SLC26A4: variants seen among roughly 807,000 people sequenced by gnomAD.
SLC26A4 encodes the protein pendrin.
Under a neutral mutation model 90.4 loss-of-function variants are expected in SLC26A4, and 93 were observed. The ratio of observed to expected loss-of-function variants is 1.03; its 90% confidence interval spans 0.87 to 1.22. The LOEUF is 1.22. Among genes scored for constraint, SLC26A4 ranks in the 50% most tolerant of loss-of-function variants. The pLI is 0.00. For synonymous variants in SLC26A4, 393 were observed against 354.6 expected (o/e 1.11, Z -1.22); for missense variants, 1,127 against 946.2 (o/e 1.19, Z -2.51).
rs908435648 is a variant in SLC26A4 at position 107,694,494 on chromosome 7, TCTC to T, written c.1341+15_1341+17del. On this transcript the variant is annotated intron_variant, in intron 11 of 20. Coordinates refer to ENST00000644269, the MANE Select transcript of SLC26A4 (RefSeq NM_000441.2). The stretch of plus-strand genomic sequence containing the variant: ...CCCTTGCAGAAGGTATAACCCTGCT[TCTC>T]TGCATACCGATTGCATAATTTCCCT... The T allele has an allele frequency of 4.4e-6, 7 of 1,595,906 alleles. No homozygotes were observed. In the African/African-American group the frequency reaches 9.4e-5, roughly 21 times the overall value.
chr7:107,684,476 G>A (rs550302340), intron 8 of SLC26A4, among the ~76,000 whole-genome samples: 1 of 152,184 alleles, frequency 6.6e-6, no homozygotes. Flanking sequence ...TATTCTACAG[G>A]GAACTGCTGT....
At position 107,675,062 on chromosome 7, in the gene SLC26A4, C is replaced by T. The variant is rs973229680; in HGVS notation, c.718C>T (p.Leu240Phe). ...QVLVSQLKIVLNVSTKNYNGV... is the reference protein window; with the variant it reads ...QVLVSQLKIVFNVSTKNYNGV... ...GCTGGTCTCACAGCTAAAGATTGTC[C>T]TCAATGTTTCAACCAAAAACTACAA... is the stretch of plus-strand genomic sequence containing the variant. The change falls in exon 6 of 21, where the codon CTC becomes TTC. Residue 240 changes from leucine to phenylalanine, a missense_variant. By Grantham distance (22) the Leu-to-Phe change is conservative. Transcript: ENST00000644269. The T allele has an allele frequency of 1.9e-6, 3 of 1,613,924 alleles. No individual in the cohort carries two copies. Among genetic ancestry groups the T allele is most frequent in the East Asian group, 2.2e-5 (1 of 44,882 alleles).
At chr7:107,664,141 C>T (rs1378132421) in intron 3 of SLC26A4, among the ~76,000 whole-genome samples, 1 of 151,700 alleles carries the variant, frequency 6.6e-6, no homozygotes, top group African/African-American at 2.4e-5. Flanking sequence ...TAATCTTTCA[C>T]TTTGTTCTAT....
chr7:107,681,276 T>C (rs1288732221), intron 6 of SLC26A4, among the ~76,000 whole-genome samples: 3 of 152,158 alleles, frequency 2.0e-5, no homozygotes, highest in Admixed American at 1.3e-4. Context: ...TCCAAGTGTT[T>C]GGTGGGAGGT....
chr7:107,702,200 T>C (rs1791913915), intron 17 of SLC26A4, 143 bp downstream of exon 17: 3 of 708,420 alleles, frequency 4.2e-6, no homozygotes, highest in Admixed American at 2.1e-5. Flanking sequence ...TGTAATATTT[T>C]AAAGCATAGG....
intron 3 of SLC26A4, among the ~76,000 whole-genome samples, chr7:107,668,771 T>G (rs1790784367): frequency 6.6e-6 from 1 of 152,182 alleles, no homozygotes; most frequent in African/African-American, 2.4e-5. Context: ...GCCTGTAGAT[T>G]CAGTTTCTGG....
intron 6 of SLC26A4, among the ~76,000 whole-genome samples, chr7:107,675,574 C>CT (rs563755979): frequency 0.021 from 2,745 of 130,986 alleles, 74 homozygotes; most frequent in African/African-American, 0.056. Context: ...TTCTTTCTTT[C>CT]TTTTTTTTTT....
chr7:107,708,560 A>T (rs1222205792), intron 18 of SLC26A4, among the ~76,000 whole-genome samples: 1 of 152,172 alleles, frequency 6.6e-6, no homozygotes, highest in Non-Finnish European at 1.5e-5. Context: ...TTAAGTTTTA[A>T]ATAAATAAAT....
At chr7:107,685,458 T>G (rs1233784191) in intron 8 of SLC26A4, among the ~76,000 whole-genome samples, 6 of 152,124 alleles carry the variant, frequency 3.9e-5, no homozygotes, top group Non-Finnish European at 8.8e-5. Flanking sequence ...CCTCCCTGCT[T>G]CAATCCTCCA....
chr7:107,689,913 G>A (rs1472928159), intron 9 of SLC26A4, among the ~76,000 whole-genome samples: 1 of 152,082 alleles, frequency 6.6e-6, no homozygotes. Flanking sequence ...AAAAATTATC[G>A]AGAGCAATGA....
Position 107,698,085 on chromosome 7 carries a change from T to C in SLC26A4, c.1588T>C (p.Tyr530His), listed in dbSNP as rs111033254. The C allele has an allele frequency of 3.2e-5, 51 of 1,609,164 alleles. No homozygotes were observed. Among genetic ancestry groups the C allele is most frequent in the Non-Finnish European group, 4.3e-5 (50 of 1,175,660 alleles). Reference protein sequence around the residue: ...GLGSIPSTDIYKSTKNYKNIE... With the variant: ...GLGSIPSTDIHKSTKNYKNIE... ...TGGAAGCATCCCTAGCACAGATATC[T>C]ACAAAAGTACCAAGAATTACAAAAA... Residue 530 changes from tyrosine (Y) to histidine (H), a missense_variant, in exon 14 of 21, where the codon TAC becomes CAC. Tyr to His is a moderately conservative substitution (Grantham distance 83, BLOSUM62 2). Coordinates refer to ENST00000644269, the MANE Select transcript of SLC26A4 (RefSeq NM_000441.2).
chr7:107,690,922 T>C (rs1260132686), intron 10 of SLC26A4, among the ~76,000 whole-genome samples: 1 of 152,060 alleles, frequency 6.6e-6, no homozygotes. Flanking sequence ...AAGGCCACTC[T>C]TTCCAGCAGG....
rs1792340075 is a variant in SLC26A4 at position 107,716,145 on chromosome 7, G to A, written c.*699G>A. The A allele has an allele frequency of 1.3e-5, 2 of 152,120 alleles. No individual in the cohort carries two copies. Among genetic ancestry groups the A allele is most frequent in the African/African-American group, 4.8e-5 (2 of 41,492 alleles). The allele number at this position is 152,120 out of a possible 1,614,324, so 9.4% of individuals were successfully genotyped here. ...TTCATGGTTTATAAAAATCTTTTTT[G>A]ATATGATAATAATCATGATCACAAC... On this transcript the variant is annotated 3_prime_UTR_variant, in exon 21 of 21. Transcript: ENST00000644269.
Position 107,717,230 on chromosome 7 carries a change from C to G in SLC26A4, c.*1784C>G, listed in dbSNP as rs1792368921. 1.3e-5 allele frequency: 2 copies of G among 152,006 alleles called. No individual in the cohort carries two copies. The highest frequency in any genetic ancestry group is 4.1e-4 in the South Asian group (2 of 4,820). The allele number at this position is 152,006 out of a possible 1,614,324, so 9.4% of individuals were successfully genotyped here. On this transcript the variant is annotated 3_prime_UTR_variant, in exon 21 of 21. Transcript: ENST00000644269. ...AAAAGAAATTAGCCTAGCGTGGTGG[C>G]TGGCGGGCGCCTGTAGTCCCAGCTA...
chr7:107,703,073 G>T (rs1791942707), intron 17 of SLC26A4, among the ~76,000 whole-genome samples: 1 of 152,192 alleles, frequency 6.6e-6, no homozygotes. Context: ...TGAGCACTCT[G>T]CCAGGCACAA....
chr7:107,670,112 A>ATT lies in SLC26A4; in HGVS notation c.305-2012_305-2011dup, dbSNP rs35349410. On this transcript the variant is annotated intron_variant, in intron 3 of 20. Transcript: ENST00000644269. ...CATATTTTATTCAAAATACCTCCAG[A>ATT]TTTTTTTTTTTTTTTGAGATGGAGT... Among the ~76,000 whole-genome samples, 220 of 142,486 alleles carry ATT rather than the reference A, an allele frequency of 1.5e-3. 1 individual carries two copies. The highest frequency in any genetic ancestry group is 3.5e-3 in the East Asian group (17 of 4,902). The allele number at this position is 142,486 out of a possible 152,430, so 93.5% of individuals were successfully genotyped here. A position where few individuals can be genotyped will look rare whatever the true frequency, so the allele number is the denominator to read the frequency against.
At chr7:107,694,738 T>C in intron 12 of SLC26A4, 22 bp downstream of exon 12, 1 of 1,499,526 alleles carries the variant, frequency 6.7e-7, no homozygotes, top group Non-Finnish European at 9.3e-7. Flanking sequence ...ACCACCTATA[T>C]TTATCTGAAA....
intron 3 of SLC26A4, among the ~76,000 whole-genome samples, chr7:107,664,373 A>C (rs1790653515): frequency 6.6e-6 from 1 of 152,208 alleles, no homozygotes; most frequent in Non-Finnish European, 1.5e-5. Flanking sequence ...CTGGGGCTAC[A>C]GGCATGTGCC....
At position 107,677,946 on chromosome 7, in the gene SLC26A4, A is replaced by G. The variant is rs897104112; in HGVS notation, c.765+2837A>G. On this transcript the variant is annotated intron_variant, in intron 6 of 20. Transcript: ENST00000644269. ...TTTTAAAATTAAAATTAAAATTTTA[A>G]GATTTTATTTTGGTAGAGACAGGGG... Among the ~76,000 whole-genome samples the G allele has an allele frequency of 5.9e-5, 9 of 152,188 alleles. No individual in the cohort carries two copies. In the South Asian group the frequency reaches 1.0e-3, roughly 18 times the overall value.
Sources: gnomAD v4.1 joint callset for allele counts (sites outside exome capture counted in the v4.1 genomes callset) on GRCh38, gnomAD v4.1.1 for gene constraint, MANE v1.5 for transcripts, NCBI Gene and HGNC (gene_info 2026-07-23, HGNC 2026-07-21) for gene names.